ZNF512B: variants seen among roughly 807,000 people sequenced by gnomAD.
ZNF512B encodes the protein zinc finger protein 512B.
In ZNF512B, 22 loss-of-function variants were observed where a neutral mutation model predicts 87.8. The observed-to-expected ratio is 0.25, with a 90% CI of 0.18 to 0.36. The LOEUF (loss-of-function observed/expected upper bound fraction) is 0.36. Ranked by LOEUF, ZNF512B falls within the 10% of genes least tolerant of loss-of-function variation. The pLI is 1.00. For synonymous variants in ZNF512B, 524 were observed against 490.9 expected (o/e 1.07, Z -0.89); for missense variants, 1,060 against 1,231.6 (o/e 0.86, Z 2.09).
chr20:63,962,575 G>T lies in ZNF512B; in HGVS notation c.2163+12C>A, dbSNP rs956060577. ...CACGGCGCTGTCCACAGCCCTGGGG[G>T]GGGCAGCTCACCCGTGCGGTCTCGG... On this transcript the variant is annotated intron_variant, in intron 13 of 16. Coordinates refer to ENST00000369888, the MANE Select transcript of ZNF512B (RefSeq NM_020713.3). 1.9e-6 allele frequency: 3 copies of T among 1,601,096 alleles called. No individual in the cohort carries two copies. Among genetic ancestry groups the T allele is most frequent in the Middle Eastern group, 1.8e-4 (1 of 5,694 alleles).
intron 14 of ZNF512B, 51 bp downstream of exon 14, chr20:63,962,222 C>A: frequency 6.5e-7 from 1 of 1,530,594 alleles, no homozygotes; most frequent in Non-Finnish European, 8.8e-7. Context: ...CACACCCAGG[C>A]TCTGGCCCTG....
At position 63,962,344 on chromosome 20, in the gene ZNF512B, G is replaced by A. The variant is rs1185988514; in HGVS notation, c.2194C>T (p.Leu732=). The A allele has an allele frequency of 1.9e-6, 3 of 1,612,710 alleles. No individual in the cohort carries two copies. Among genetic ancestry groups the A allele is most frequent in the Non-Finnish European group, 2.5e-6 (3 of 1,179,904 alleles). ...LNYTRPGLPT[L]NPQLLEAWKN... ...CATGCCTCTAGCAGCTGGGGGTTCA[G>A]CGTGGGGAGCCCTGGTCGAGTGTAG... Residue 732 remains leucine, a synonymous_variant, in exon 14 of 17, where the codon CTG becomes TTG. Coordinates refer to ENST00000369888, the MANE Select transcript of ZNF512B (RefSeq NM_020713.3).
Position 63,966,224 on chromosome 20 carries a change from G to T in ZNF512B, c.951C>A (p.His317Gln). Residue 317 changes from histidine (H) to glutamine (Q), a missense_variant, in exon 5 of 17, where the codon CAC becomes CAA. Around this residue, in one of 9 missense-constraint regions of ZNF512B, gnomAD observed 201 missense variants for 226.8 expected, o/e 0.89. Coordinates refer to ENST00000369888, the MANE Select transcript of ZNF512B (RefSeq NM_020713.3). ...GCAGCACCATTTTGCAGGGCGGTGT[G>T]TGTCTGCTGATAGCAATGGGCCTGC... ...TVSRPIAISRHTPPCKMVLLT... is the reference protein window; with the variant it reads ...TVSRPIAISRQTPPCKMVLLT... 6.2e-7 allele frequency: 1 copy of T among 1,613,998 alleles called. No homozygotes were observed. Among genetic ancestry groups the T allele is most frequent in the Non-Finnish European group, 8.5e-7 (1 of 1,180,054 alleles).
intron 12 of ZNF512B, 130 bp downstream of exon 12, chr20:63,962,964 CT>C (rs2146887503): frequency 7.5e-7 from 1 of 1,326,456 alleles, no homozygotes; most frequent in Admixed American, 2.7e-5. Context: ...GGACACACGT[CT>C]CTTACAGAGA....
chr20:63,963,967 A>T, intron 8 of ZNF512B, 54 bp from the exon 9 acceptor site: 1 of 1,600,304 alleles, frequency 6.2e-7, no homozygotes, highest in Admixed American at 1.7e-5. Flanking sequence ...GGTGGCCCAG[A>T]CGCCAGGCAC....
rs1307811733 is a variant in ZNF512B, at chr20:63,959,668, G to A, written c.*220C>T. The A allele has an allele frequency of 8.1e-6, 5 of 616,956 alleles. No homozygotes were observed. Among genetic ancestry groups the A allele is most frequent in the Non-Finnish European group, 1.3e-5 (5 of 375,110 alleles). The allele number at this position is 616,956 out of a possible 1,614,324, so 38.2% of individuals were successfully genotyped here. A position where few individuals can be genotyped will look rare whatever the true frequency, so the allele number is the denominator to read the frequency against. On this transcript the variant is annotated 3_prime_UTR_variant, in exon 17 of 17. Transcript: ENST00000369888. ...CCTCCTGGCTATTGCACTTCTGCTG[G>A]GCACACCTTGGGGAGCCCCAACCCA...
At chr20:63,967,707 G>C in intron 2 of ZNF512B, 123 bp downstream of exon 2, 2 of 1,506,248 alleles carry the variant, frequency 1.3e-6, no homozygotes, top group South Asian at 1.3e-5. Context: ...CCCTGGTAAG[G>C]TCCTTGGGAA....
chr20:63,962,877 G>A, intron 12 of ZNF512B, 96 bp from the exon 13 acceptor site: 1 of 1,348,468 alleles, frequency 7.4e-7, no homozygotes, highest in Non-Finnish European at 9.9e-7. Context: ...TGGACCCACA[G>A]GCCTCCCAGT....
In ZNF512B at chr20:63,963,381, C is replaced by G; in HGVS notation, c.1758G>C (p.Lys586Asn). ...GCAGCCGTCCCATCTGCTTCAGCAC[C>G]TTGCGCAGCCTCTCGCGCTCCTCCT... ...GEQEERERLR[K>N]VLKQMGRLRC... Residue 586 changes from lysine to asparagine, a missense_variant, in exon 11 of 17, where the codon AAG (lysine) becomes AAC (asparagine). This residue lies in a region of ZNF512B where 165 missense variants were observed against 173.0 expected (regional missense o/e 0.95). Coordinates refer to ENST00000369888, the MANE Select transcript of ZNF512B (RefSeq NM_020713.3). The G allele has an allele frequency of 6.5e-7, 1 of 1,548,894 alleles. No homozygotes were observed. The highest frequency in any genetic ancestry group is 1.2e-5 in the South Asian group (1 of 84,810).
Position 63,961,465 on chromosome 20 carries a change from G to T in ZNF512B, c.2329-58C>A. On this transcript the variant is annotated intron_variant, in intron 15 of 16. Transcript: ENST00000369888. The surrounding 1 kb of genome is among the most constrained non-coding windows in gnomAD (Gnocchi z 6.4). ...CTTGGAGGACCCAGATCTGTCCTAA[G>T]CCCCTACTCATGGCTAAAGGGTCAG... is the stretch of plus-strand genomic sequence containing the variant. 1 of 1,517,964 alleles carries T rather than the reference G, an allele frequency of 6.6e-7. No individual in the cohort carries two copies. 94.0% of individuals were successfully genotyped at this position (1,517,964 alleles called of 1,614,324 possible).
chr20:63,962,818 G>T lies in ZNF512B; in HGVS notation c.1969-37C>A, dbSNP rs371480860. The stretch of plus-strand genomic sequence containing the variant: ...GAAGGCATGGAGGCTAGAGTGAGCC[G>T]CGGGAGCAAGAGTCAGGTCAGCGCG... On this transcript the variant is annotated intron_variant, in intron 12 of 16. Coordinates refer to ENST00000369888, the MANE Select transcript of ZNF512B (RefSeq NM_020713.3). 1.0e-5 allele frequency: 16 copies of T among 1,545,358 alleles called. No individual in the cohort carries two copies. In the South Asian group the frequency reaches 1.5e-4, roughly 15 times the overall value.
At position 63,960,030 on chromosome 20, in the gene ZNF512B, C is replaced by T. The variant is rs1303592510; in HGVS notation, c.2537G>A (p.Arg846Gln). ...KNLAGGKKRG[R>Q]KPKERTPEEP... ...CTCTGGGGTCCGCTCCTTGGGCTTT[C>T]GGCCCCGCTTCTTTCCACCTGCCAG... is the stretch of plus-strand genomic sequence containing the variant. The change falls in exon 17 of 17, where the codon CGA becomes CAA. Residue 846 changes from arginine to glutamine, a missense_variant. Coordinates refer to ENST00000369888, the MANE Select transcript of ZNF512B (RefSeq NM_020713.3). 9 of 1,613,680 alleles carry T rather than the reference C, an allele frequency of 5.6e-6. No homozygotes were observed. Among genetic ancestry groups the T allele is most frequent in the Admixed American group, 1.7e-5 (1 of 60,012 alleles).
Position 63,960,119 on chromosome 20 carries a change from T to A in ZNF512B, c.2448A>T (p.Ala816=). The A allele has an allele frequency of 6.2e-7, 1 of 1,613,898 alleles. No individual in the cohort carries two copies. Among genetic ancestry groups the A allele is most frequent in the Non-Finnish European group, 8.5e-7 (1 of 1,179,996 alleles). The change falls in exon 17 of 17, where the codon GCA becomes GCT. Residue 816 remains alanine, a synonymous_variant. Transcript: ENST00000369888. ...THAENWFRTS[A]DPPPKHRSQD... is the part of the protein sequence containing the mutation. ...GGCTCCTGTGTTTGGGAGGTGGGTCTGCTGATGTTCGGAACCAGTTCTGGG... is the reference window on the plus strand; with the variant it reads ...GGCTCCTGTGTTTGGGAGGTGGGTCAGCTGATGTTCGGAACCAGTTCTGGG...
Position 63,957,638 on chromosome 20 carries a change from T to C in ZNF512B, c.*2250A>G, listed in dbSNP as rs1292838627. 7 of 152,672 alleles carry C rather than the reference T, an allele frequency of 4.6e-5. No individual in the cohort carries two copies. The East Asian group carries it at 1.2e-3, about 25-fold the overall frequency. 9.5% of individuals were successfully genotyped at this position (152,672 alleles called of 1,614,324 possible). A position where few individuals can be genotyped will look rare whatever the true frequency, so the allele number is the denominator to read the frequency against. ...CTCTTCCCACACCAGGGATTATCTG[T>C]GGGCTTTGGGAGTGTCCCGGAAACT... On this transcript the variant is annotated 3_prime_UTR_variant, in exon 17 of 17. Coordinates refer to ENST00000369888, the MANE Select transcript of ZNF512B (RefSeq NM_020713.3).
rs1292431712 is a variant in ZNF512B, at chr20:63,964,064, C to A, written c.1480+7G>T. 2.5e-6 allele frequency: 4 copies of A among 1,605,778 alleles called. No homozygotes were observed. The highest frequency in any genetic ancestry group is 3.4e-6 in the Non-Finnish European group (4 of 1,179,206). ...GCTGCCCTGAGCCCCTGCCAGGCAG[C>A]CCCTACCTGGAGCTGGGTGGGCCAC... On this transcript the variant is annotated splice_region_variant and intron_variant, in intron 8 of 16. Coordinates refer to ENST00000369888, the MANE Select transcript of ZNF512B (RefSeq NM_020713.3).
chr20:63,966,258 A>G lies in ZNF512B; in HGVS notation c.917T>C (p.Val306Ala). 6.2e-7 allele frequency: 1 copy of G among 1,613,992 alleles called. No homozygotes were observed. The highest frequency in any genetic ancestry group is 8.5e-7 in the Non-Finnish European group (1 of 1,180,030). The change falls in exon 5 of 17, where the codon GTG becomes GCG. Residue 306 changes from valine (V) to alanine (A), a missense_variant. By Grantham distance (64) the Val-to-Ala change is moderately conservative. This residue lies in a region of ZNF512B where 201 missense variants were observed against 226.8 expected (regional missense o/e 0.89). Transcript: ENST00000369888. The stretch of plus-strand genomic sequence containing the variant: ...GATAGCAATGGGCCTGCTGACTGTC[A>G]CCGGCTTGCTGACCACAATGGGCCT... Reference protein sequence around the residue: ...VSRPIVVSKPVTVSRPIAISR... With the variant: ...VSRPIVVSKPATVSRPIAISR...
chr20:63,968,372 G>A (rs2058949132), intron 1 of ZNF512B, among the ~76,000 whole-genome samples: 1 of 152,196 alleles, frequency 6.6e-6, no homozygotes. Context: ...CAGGAGGAAG[G>A]AGGCTGGCAA....
intron 2 of ZNF512B, 24 bp downstream of exon 2, chr20:63,967,806 G>T: frequency 1.2e-6 from 2 of 1,603,436 alleles, no homozygotes; most frequent in South Asian, 1.1e-5. Flanking sequence ...ATCTGGAATT[G>T]ACTCTGGCCC....
At position 63,962,348 on chromosome 20, in the gene ZNF512B, G is replaced by C. The variant is rs765040902; in HGVS notation, c.2190C>G (p.Pro730=). Residue 730 remains proline, a synonymous_variant, in exon 14 of 17, where the codon CCC becomes CCG. Coordinates refer to ENST00000369888, the MANE Select transcript of ZNF512B (RefSeq NM_020713.3). ...CCTCTAGCAGCTGGGGGTTCAGCGT[G>C]GGGAGCCCTGGTCGAGTGTAGTTGA... The part of the protein sequence containing the change: ...ARLNYTRPGL[P]TLNPQLLEAW... 2 of 1,612,554 alleles carry C rather than the reference G, an allele frequency of 1.2e-6. No homozygotes were observed. Among genetic ancestry groups the C allele is most frequent in the African/African-American group, 1.3e-5 (1 of 74,908 alleles).
Sources: allele counts gnomAD v4.1 joint callset (sites outside exome capture counted in the v4.1 genomes callset), GRCh38; gene constraint gnomAD v4.1.1; regional missense constraint gnomAD v4.1.1; non-coding constraint Gnocchi (gnomAD v3.1); transcripts MANE v1.5; gene names NCBI Gene and HGNC (gene_info 2026-07-23, HGNC 2026-07-21).